SPEF2: variants seen among roughly 807,000 people sequenced by gnomAD.
SPEF2 encodes the protein sperm flagella and cilia-associated protein 2.
Under a neutral mutation model 224.6 loss-of-function variants are expected in SPEF2, and 187 were observed. The ratio of observed to expected loss-of-function variants is 0.83; its 90% CI spans 0.74 to 0.94. SPEF2 has a LOEUF of 0.94. Among genes scored for constraint, SPEF2 ranks in the 40% least tolerant of loss-of-function variants. The probability of loss-of-function intolerance (pLI) is 0.00; values close to 1 mark genes in which losing one functional copy is unlikely to be tolerated. For missense variants in SPEF2, 2,170 were observed against 2,135.6 expected (o/e 1.02, Z -0.32); for synonymous variants, 715 against 707.3 (o/e 1.01, Z -0.17).
At chr5:35,647,221 G>T (rs934937616) in intron 5 of SPEF2, among the ~76,000 whole-genome samples, 2 of 152,128 alleles carry the variant, frequency 1.3e-5, no homozygotes, top group African/African-American at 2.4e-5. Context: ...AAGGTTGGAA[G>T]ATTCAAGACT....
chr5:35,806,947 G>A lies in SPEF2; in HGVS notation c.5251G>A (p.Ala1751Thr). 2 of 1,596,764 alleles carry A rather than the reference G, an allele frequency of 1.3e-6. 1 individual carries two copies. The highest frequency in any genetic ancestry group is 3.4e-4 in the Middle Eastern group (2 of 5,964). Residue 1751 changes from alanine (A) to threonine (T), a missense_variant, in exon 35 of 37, where the codon GCA (alanine) becomes ACA (threonine). Physicochemically the swap from Ala to Thr is moderately conservative, Grantham distance 58. Coordinates refer to ENST00000356031, the MANE Select transcript of SPEF2 (RefSeq NM_024867.4). ...CCACCTAAAGATAGAGAACATTTAT[G>A]CAGAGGTTGGTTAAATTATTTTGAA... ...ASHLKIENIY[A>T]EGFIKTFQDL...
intron 15 of SPEF2, chr5:35,699,854 T>C (rs537628493): frequency 6.6e-6 from 1 of 152,520 alleles, no homozygotes; most frequent in Non-Finnish European, 1.5e-5. Context: ...TTGTAAGAGA[T>C]AACAAGTTAT....
intron 36 of SPEF2, among the ~76,000 whole-genome samples, chr5:35,808,519 G>T (rs954596014): frequency 6.6e-6 from 1 of 151,764 alleles, no homozygotes; most frequent in South Asian, 2.1e-4. Flanking sequence ...CTGTCCTTGC[G>T]ATAGTTTGCT....
chr5:35,687,863 A>G lies in SPEF2; in HGVS notation c.1525-3174A>G, dbSNP rs542247350. ...TTGAAGCTTTCTATATACAGAATCT[A>G]TACATTTTTTGTTAATTCCGTTGAT... is the stretch of plus-strand genomic sequence containing the variant. On this transcript the variant is annotated intron_variant, in intron 10 of 36. Transcript: ENST00000356031. Among the ~76,000 whole-genome samples, 44 of 152,268 alleles carry G rather than the reference A, an allele frequency of 2.9e-4. 1 individual carries two copies. The South Asian group carries it at 8.9e-3, about 31-fold the overall frequency.
chr5:35,740,133 A>G lies in SPEF2; in HGVS notation c.3196A>G (p.Ser1066Gly), dbSNP rs1476467981. ...VLAYLYEIRT[S>G]FQEFLKRPDH... is the part of the protein sequence containing the mutation. ...TCATTCTATTAATGTCTACAGAACA[A>G]GTTTCCAGGAGTTTCTAAAGCGTCC... Residue 1066 changes from serine to glycine, a missense_variant, in exon 23 of 37, where the codon AGT becomes GGT. Coordinates refer to ENST00000356031, the MANE Select transcript of SPEF2 (RefSeq NM_024867.4). 1.2e-6 allele frequency: 2 copies of G among 1,614,134 alleles called. No homozygotes were observed. The highest frequency in any genetic ancestry group is 1.7e-6 in the Non-Finnish European group (2 of 1,180,006).
At chr5:35,769,053 C>T (rs1752451015) in intron 26 of SPEF2, among the ~76,000 whole-genome samples, 1 of 152,120 alleles carries the variant, frequency 6.6e-6, no homozygotes, top group African/African-American at 2.4e-5. Context: ...GCTTTATAAG[C>T]TAGATTGCTG....
At chr5:35,779,050 T>C (rs1163931221) in intron 29 of SPEF2, 67 bp from the exon 30 acceptor site, 2 of 1,226,072 alleles carry the variant, frequency 1.6e-6, no homozygotes, top group Admixed American at 2.4e-5. Flanking sequence ...ATATGTCTTA[T>C]AAGCAAACTT....
At chr5:35,719,127 A>C (rs1164805577) in intron 20 of SPEF2, among the ~76,000 whole-genome samples, 1 of 152,190 alleles carries the variant, frequency 6.6e-6, no homozygotes, top group Non-Finnish European at 1.5e-5. Flanking sequence ...TTGCAGGATA[A>C]TTGCTTAGAA....
intron 34 of SPEF2, among the ~76,000 whole-genome samples, chr5:35,805,799 G>T (rs2149870612): frequency 6.6e-6 from 1 of 152,134 alleles, no homozygotes; most frequent in Non-Finnish European, 1.5e-5. Context: ...CTGTCCTACT[G>T]CATGTACTAC....
chr5:35,792,524 G>T lies in SPEF2; in HGVS notation c.4554+78G>T. 3 of 1,193,590 alleles carry T rather than the reference G, an allele frequency of 2.5e-6. No individual in the cohort carries two copies. The South Asian group carries it at 4.0e-5, about 16-fold the overall frequency. The allele number at this position is 1,193,590 out of a possible 1,614,324, so 73.9% of individuals were successfully genotyped here. A position where few individuals can be genotyped will look rare whatever the true frequency, so the allele number is the denominator to read the frequency against. ...AATGCATCAATAGTTCTAAAATAATGAGTACTTGCATAGTGTCTGACATTT... is the reference window on the plus strand; with the variant it reads ...AATGCATCAATAGTTCTAAAATAATTAGTACTTGCATAGTGTCTGACATTT... On this transcript the variant is annotated intron_variant, in intron 31 of 36. Transcript: ENST00000356031.
chr5:35,788,243 G>A, intron 30 of SPEF2: 1 of 702,978 alleles, frequency 1.4e-6, no homozygotes, highest in African/African-American at 1.7e-5. Flanking sequence ...CGGGAGAGTA[G>A]AGAACTTATT....
intron 23 of SPEF2, among the ~76,000 whole-genome samples, chr5:35,743,769 AC>A (rs1748043378): frequency 6.6e-6 from 1 of 152,088 alleles, no homozygotes; most frequent in South Asian, 2.1e-4. Context: ...TGTGACTATT[AC>A]ATTTCTATCC....
intron 20 of SPEF2, among the ~76,000 whole-genome samples, chr5:35,725,216 C>T (rs1414437233): frequency 1.3e-5 from 2 of 152,216 alleles, no homozygotes; most frequent in Non-Finnish European, 2.9e-5. Context: ...TAAATCTCCA[C>T]TTTGATTGCC....
intron 2 of SPEF2, among the ~76,000 whole-genome samples, chr5:35,632,642 A>G (rs2149380477): frequency 6.6e-6 from 1 of 152,162 alleles, no homozygotes; most frequent in South Asian, 2.1e-4. Context: ...GTTTCTTGTT[A>G]TGGATAGTTA....
At chr5:35,742,086 G>A (rs7443063) in intron 23 of SPEF2, among the ~76,000 whole-genome samples, 86,166 of 152,042 alleles carry the variant, frequency 0.57, 26,196 homozygotes, top group Middle Eastern at 0.7. Flanking sequence ...AATATGTATT[G>A]TTTTGTAACA....
At chr5:35,765,649 TTTGTTACC>T (rs1329484641) in intron 26 of SPEF2, among the ~76,000 whole-genome samples, 3 of 152,202 alleles carry the variant, frequency 2.0e-5, no homozygotes, top group African/African-American at 4.8e-5. Flanking sequence ...ATACCATTTA[TTTGTTACC>T]TGAATGAGCA....
intron 26 of SPEF2, among the ~76,000 whole-genome samples, chr5:35,767,351 A>G (rs558606952): frequency 6.6e-6 from 1 of 151,986 alleles, no homozygotes; most frequent in South Asian, 2.1e-4. Context: ...ATATCTTTTC[A>G]TCCTTTCATT....
chr5:35,640,954 T>C (rs928712739), intron 2 of SPEF2, among the ~76,000 whole-genome samples: 1 of 152,212 alleles, frequency 6.6e-6, no homozygotes, highest in Non-Finnish European at 1.5e-5. Flanking sequence ...TGTAAGAGGC[T>C]CAAAAACATG....
chr5:35,709,684 CTTTTAG>C (rs1740711041), intron 19 of SPEF2: 2 of 985,240 alleles, frequency 2.0e-6, no homozygotes, highest in Non-Finnish European at 2.4e-6. Flanking sequence ...ATAGAGAACA[CTTTTAG>C]TTTAAGTTTG....
Sources: gnomAD v4.1 joint callset for allele counts (sites outside exome capture counted in the v4.1 genomes callset) on GRCh38, gnomAD v4.1.1 for gene constraint, MANE v1.5 for transcripts, NCBI Gene and HGNC (gene_info 2026-07-23, HGNC 2026-07-21) for gene names.